Variants in KCNQ1 observed in about 807,000 individuals in gnomAD.
KCNQ1 encodes potassium voltage-gated channel subfamily Q member 1.
Under a neutral mutation model 72.4 loss-of-function variants are expected in KCNQ1, and 49 were observed. That is an observed-to-expected ratio of 0.68 (90% CI 0.54 to 0.86). The LOEUF is 0.86. Among genes scored for constraint, KCNQ1 ranks in the 40% least tolerant of loss-of-function variants. KCNQ1 has a pLI of 0.00. For synonymous variants in KCNQ1, 450 were observed against 412.6 expected (o/e 1.09, Z -1.10); for missense variants, 790 against 945.1 (o/e 0.84, Z 2.15).
At position 2,473,593 on chromosome 11, in the gene KCNQ1, G is replaced by A. The variant is rs916177601; in HGVS notation, c.386+28109G>A. ...GACGCTCAGCCGTGTCATGTGGCTTGTAGAGCGAGGGTGTGCGGCCGGCAT... is the reference window on the plus strand; with the variant it reads ...GACGCTCAGCCGTGTCATGTGGCTTATAGAGCGAGGGTGTGCGGCCGGCAT... On this transcript the variant is annotated intron_variant, in intron 1 of 15. Transcript: ENST00000155840. The surrounding 1 kb of genome is among the most constrained non-coding windows in gnomAD (Gnocchi z 6.0). Among the ~76,000 whole-genome samples, 24 of 152,346 alleles carry A rather than the reference G, an allele frequency of 1.6e-4. 1 individual carries two copies. The highest frequency in any genetic ancestry group is 1.3e-3 in the Admixed American group (20 of 15,308).
rs774963923 is a variant in KCNQ1 at position 2,445,452 on chromosome 11, C to G, written c.354C>G (p.Thr118=). ...GRVYNFLERP[T]GWKCFVYHFA... The stretch of plus-strand genomic sequence containing the variant: ...TCTACAACTTCCTCGAGCGTCCCAC[C>G]GGCTGGAAATGCTTCGTTTACCACT... The change falls in exon 1 of 16, where the codon ACC becomes ACG. Residue 118 remains threonine, a synonymous_variant. Transcript: ENST00000155840. The G allele has an allele frequency of 6.3e-7, 1 of 1,597,040 alleles. No individual in the cohort carries two copies. Among genetic ancestry groups the G allele is most frequent in the Non-Finnish European group, 8.5e-7 (1 of 1,179,504 alleles).
rs911345239 is a variant in KCNQ1, at chr11:2,817,861, A to G, written c.1795-29906A>G. Among the ~76,000 whole-genome samples the G allele has an allele frequency of 1.3e-5, 2 of 149,834 alleles. No individual in the cohort carries two copies. Among genetic ancestry groups the G allele is most frequent in the Admixed American group, 1.3e-4 (2 of 15,028 alleles). ...CACATGTATGTTAGAAACCTCTGGC[A>G]CTCTCCCCTCCCCAGCCAGCACCTA... is the stretch of plus-strand genomic sequence containing the variant. On this transcript the variant is annotated intron_variant, in intron 15 of 15. Transcript: ENST00000155840. This position sits in a 1 kb window ranked among gnomAD's most constrained non-coding sequence, Gnocchi z 6.1.
chr11:2,798,282 C>T (rs927343320), intron 15 of KCNQ1, among the ~76,000 whole-genome samples: 5 of 152,190 alleles, frequency 3.3e-5, no homozygotes, highest in African/African-American at 1.2e-4. Flanking sequence ...TTCGGCTTGG[C>T]ATCAGGAGGG....
At chr11:2,465,122 C>A (rs1316274458) in intron 1 of KCNQ1, among the ~76,000 whole-genome samples, 1 of 152,176 alleles carries the variant, frequency 6.6e-6, no homozygotes, top group East Asian at 1.9e-4. Context: ...GAGCTCCTAA[C>A]CTTCCATGGG....
chr11:2,477,281 G>A lies in KCNQ1; in HGVS notation c.386+31797G>A, dbSNP rs377075604. ...ATTCACTGGACAGTGTTTTCATCCCGTATGTTTGAACAATTTTTAATGTGG... is the reference window on the plus strand; with the variant it reads ...ATTCACTGGACAGTGTTTTCATCCCATATGTTTGAACAATTTTTAATGTGG... On this transcript the variant is annotated intron_variant, in intron 1 of 15. Coordinates refer to ENST00000155840, the MANE Select transcript of KCNQ1 (RefSeq NM_000218.3). This position sits in a 1 kb window ranked among gnomAD's most constrained non-coding sequence, Gnocchi z 5.0. Among the ~76,000 whole-genome samples, 22 of 152,180 alleles carry A rather than the reference G, an allele frequency of 1.4e-4. No individual in the cohort carries two copies. Among genetic ancestry groups the A allele is most frequent in the African/African-American group, 4.6e-4 (19 of 41,434 alleles).
chr11:2,847,325 T>A (rs2134095953), intron 15 of KCNQ1, among the ~76,000 whole-genome samples: 1 of 152,332 alleles, frequency 6.6e-6, no homozygotes, highest in South Asian at 2.1e-4. Context: ...CAGCCTTTCT[T>A]GACCCTTAAC....
In KCNQ1 at chr11:2,812,585, C is replaced by T. The variant is rs1590105317; in HGVS notation, c.1794+34548C>T. Among the ~76,000 whole-genome samples, 4 of 152,210 alleles carry T rather than the reference C, an allele frequency of 2.6e-5. No homozygotes were observed. In the East Asian group the frequency reaches 7.7e-4, roughly 29 times the overall value. Reference sequence around the variant, plus strand: ...CGGAGAGGAGGGCCAGCCCCGTCCCCAGGGGCTCCCGGCTTTCTCTCTCCC... The same window carrying T: ...CGGAGAGGAGGGCCAGCCCCGTCCCTAGGGGCTCCCGGCTTTCTCTCTCCC... On this transcript the variant is annotated intron_variant, in intron 15 of 15. Coordinates refer to ENST00000155840, the MANE Select transcript of KCNQ1 (RefSeq NM_000218.3).
At chr11:2,456,855 C>T (rs1253385059) in intron 1 of KCNQ1, among the ~76,000 whole-genome samples, 1 of 145,056 alleles carries the variant, frequency 6.9e-6, no homozygotes, top group African/African-American at 2.6e-5. Context: ...AGGAGAATGG[C>T]GTGAACCCAG....
In KCNQ1 at chr11:2,808,770, C is replaced by A. The variant is rs539223140; in HGVS notation, c.1794+30733C>A. 2.0e-5 allele frequency among the ~76,000 whole-genome samples: 3 copies of A among 152,178 alleles called. No homozygotes were observed. Among genetic ancestry groups the A allele is most frequent in the South Asian group, 2.1e-4 (1 of 4,816 alleles). ...AGTGTGAGGAGAGCAGCATTCCAGA[C>A]GCTTCTCTGTATGTTGCATAGAAAA... On this transcript the variant is annotated intron_variant, in intron 15 of 15. Coordinates refer to ENST00000155840, the MANE Select transcript of KCNQ1 (RefSeq NM_000218.3). This position sits in a 1 kb window ranked among gnomAD's most constrained non-coding sequence, Gnocchi z 6.0.
rs567939769 is a variant in KCNQ1 at position 2,807,014 on chromosome 11, G to A, written c.1794+28977G>A. On this transcript the variant is annotated intron_variant, in intron 15 of 15. Coordinates refer to ENST00000155840, the MANE Select transcript of KCNQ1 (RefSeq NM_000218.3). ...CCCCTCTCTGCAGGCCCCACAGTCT[G>A]TGACCGTGCAGGGAGGGTGCTGGGA... is the stretch of plus-strand genomic sequence containing the variant. 3.3e-5 allele frequency among the ~76,000 whole-genome samples: 5 copies of A among 152,232 alleles called. No individual in the cohort carries two copies. The South Asian group carries it at 1.0e-3, about 32-fold the overall frequency.
At chr11:2,797,264 C>T (rs1237240245) in intron 15 of KCNQ1, among the ~76,000 whole-genome samples, 1 of 152,192 alleles carries the variant, frequency 6.6e-6, no homozygotes, top group Non-Finnish European at 1.5e-5. Context: ...CTCCCAGCTC[C>T]CCAGAGACAG....
At chr11:2,585,136 G>A (rs946605118) in intron 7 of KCNQ1, 76 bp from the exon 8 acceptor site, 30 of 1,323,828 alleles carry the variant, frequency 2.3e-5, no homozygotes, top group African/African-American at 5.8e-5. Context: ...AACGGTGACC[G>A]GTAACCACGT....
rs748044153 is a variant in KCNQ1, at chr11:2,720,349, G to A, written c.1515-48495G>A. On this transcript the variant is annotated intron_variant, in intron 11 of 15. Coordinates refer to ENST00000155840, the MANE Select transcript of KCNQ1 (RefSeq NM_000218.3). The surrounding 1 kb of genome is among the most constrained non-coding windows in gnomAD (Gnocchi z 5.1). ...CAGGCACGTACTCCCTGGCTCAGCC[G>A]CCTTCCGGGGCCCGGCTACAGTCAG... Among the ~76,000 whole-genome samples the A allele has an allele frequency of 2.6e-5, 4 of 152,146 alleles. No homozygotes were observed. The highest frequency in any genetic ancestry group is 4.4e-5 in the Non-Finnish European group (3 of 68,032).
At position 2,688,337 on chromosome 11, in the gene KCNQ1, G is replaced by A; in HGVS notation, c.1514+26256G>A. 5.0e-6 allele frequency: 2 copies of A among 398,784 alleles called. 1 individual carries two copies. The highest frequency in any genetic ancestry group is 8.8e-6 in the Non-Finnish European group (2 of 226,166). The allele number at this position is 398,784 out of a possible 1,614,324, so 24.7% of individuals were successfully genotyped here. A position where few individuals can be genotyped will look rare whatever the true frequency, so the allele number is the denominator to read the frequency against. On this transcript the variant is annotated intron_variant, in intron 11 of 15. Transcript: ENST00000155840. Reference sequence around the variant, plus strand: ...GCACGTCACACACACAGCTTCCATGGGGGTCTTCCTCTCGTGTCTGGGGAA... The same window carrying A: ...GCACGTCACACACACAGCTTCCATGAGGGTCTTCCTCTCGTGTCTGGGGAA...
At chr11:2,581,880 A>T (rs1564823845) in intron 6 of KCNQ1, among the ~76,000 whole-genome samples, 1 of 152,114 alleles carries the variant, frequency 6.6e-6, no homozygotes. Flanking sequence ...TGGCAGGGGC[A>T]TGGGGGCATG....
intron 11 of KCNQ1, chr11:2,665,407 C>T (rs1185261964): frequency 5.0e-6 from 2 of 397,896 alleles, no homozygotes; most frequent in Admixed American, 8.8e-5. Flanking sequence ...GGATGAGTTC[C>T]TGGGATTCTG....
intron 15 of KCNQ1, among the ~76,000 whole-genome samples, chr11:2,791,635 G>A (rs1262771962): frequency 1.3e-5 from 2 of 152,080 alleles, no homozygotes; most frequent in East Asian, 2.0e-4. Context: ...GGCCCAGCAC[G>A]TCCCGGGCCC....
chr11:2,844,131 G>A (rs529071174), intron 15 of KCNQ1, among the ~76,000 whole-genome samples: 3 of 152,334 alleles, frequency 2.0e-5, no homozygotes, highest in African/African-American at 4.8e-5. Context: ...ACGTGCCAGC[G>A]AGATGAAGGC....
Position 2,691,284 on chromosome 11 carries a change from G to A in KCNQ1, c.1514+29203G>A. 1 of 398,586 alleles carries A rather than the reference G, an allele frequency of 2.5e-6. No individual in the cohort carries two copies. Among genetic ancestry groups the A allele is most frequent in the Non-Finnish European group, 4.4e-6 (1 of 226,088 alleles). 24.7% of individuals were successfully genotyped at this position (398,586 alleles called of 1,614,324 possible). ...TGTTTGAGCCACTAATCAGGAAGGA[G>A]AGCTGACAAGAAAAAGGCGATGTCT... On this transcript the variant is annotated intron_variant, in intron 11 of 15. Transcript: ENST00000155840. The surrounding 1 kb of genome is among the most constrained non-coding windows in gnomAD (Gnocchi z 6.4).
Sources: gnomAD v4.1 joint callset for allele counts (sites outside exome capture counted in the v4.1 genomes callset) on GRCh38, gnomAD v4.1.1 for gene constraint, Gnocchi (gnomAD v3.1) non-coding constraint, MANE v1.5 for transcripts, NCBI Gene and HGNC (gene_info 2026-07-23, HGNC 2026-07-21) for gene names.